Variants in AASS observed in about 807,000 individuals in gnomAD.
The protein encoded by AASS is alpha-aminoadipic semialdehyde synthase, mitochondrial.
Under a neutral mutation model 105.4 loss-of-function variants are expected in AASS, and 86 were observed. That is an observed-to-expected ratio of 0.82 (90% CI 0.69 to 0.98). AASS has a LOEUF of 0.98. AASS is among the 50% of genes least tolerant of loss of function. The probability of loss-of-function intolerance (pLI) is 0.00; values close to 1 mark genes in which losing one functional copy is unlikely to be tolerated. For synonymous variants in AASS, 381 were observed against 394.8 expected, an observed-to-expected ratio of 0.96 and a Z score of 0.41; for missense variants, 1,048 against 1,143.2, an observed-to-expected ratio of 0.92 and a Z score of 1.20.
At chr7:122,128,056 T>C (rs1795736659) in intron 3 of AASS, among the ~76,000 whole-genome samples, 1 of 152,210 alleles carries the variant, frequency 6.6e-6, no homozygotes, top group African/African-American at 2.4e-5. Context: ...GGCCAAAACC[T>C]GGAGTCATTC....
intron 3 of AASS, among the ~76,000 whole-genome samples, chr7:122,127,915 T>A (rs934378713): frequency 2.0e-5 from 3 of 152,130 alleles, no homozygotes; most frequent in Non-Finnish European, 2.9e-5. Flanking sequence ...CCCTCTTAGA[T>A]TATCCCTTTG....
chr7:122,094,407 A>G (rs1427827827), intron 15 of AASS, among the ~76,000 whole-genome samples: 2 of 151,872 alleles, frequency 1.3e-5, no homozygotes, highest in Non-Finnish European at 2.9e-5. Context: ...TTTATTGTTT[A>G]TTTTGTTTTT....
intron 1 of AASS, among the ~76,000 whole-genome samples, chr7:122,134,705 A>C (rs1321777523): frequency 6.6e-6 from 1 of 152,196 alleles, no homozygotes; most frequent in Admixed American, 6.5e-5. Flanking sequence ...ACCATTGTGG[A>C]AGACAATGTG....
chr7:122,098,597 C>A (rs1375362225), intron 14 of AASS, 21 bp from the exon 15 acceptor site: 2 of 1,604,122 alleles, frequency 1.2e-6, no homozygotes, highest in African/African-American at 2.7e-5. Flanking sequence ...AATTAAAAGT[C>A]ACATTTTTAG....
At chr7:122,125,860 A>G (rs1795635301) in intron 4 of AASS, among the ~76,000 whole-genome samples, 1 of 152,192 alleles carries the variant, frequency 6.6e-6, no homozygotes, top group South Asian at 2.1e-4. Context: ...TTTTTTACAT[A>G]AGGAATCTTC....
At position 122,093,077 on chromosome 7, in the gene AASS, G is replaced by A. The variant is rs1562913390; in HGVS notation, c.1737C>T (p.Ile579=). Residue 579 remains isoleucine, a synonymous_variant, in exon 16 of 24, where the codon ATC becomes ATT. Transcript: ENST00000417368. ...TTTCCAATTCTTTTAGTGCTGGTGT[G>A]ATGTAGCTTGCAGTGACCATGTTAA... ...NKVNMVTASY[I]TPALKELEKS... 6.2e-7 allele frequency: 1 copy of A among 1,613,994 alleles called. No homozygotes were observed. Among genetic ancestry groups the A allele is most frequent in the Non-Finnish European group, 8.5e-7 (1 of 1,179,880 alleles).
intron 19 of AASS, among the ~76,000 whole-genome samples, chr7:122,084,436 G>C (rs1793521765): frequency 6.6e-6 from 1 of 152,208 alleles, no homozygotes; most frequent in Non-Finnish European, 1.5e-5. Flanking sequence ...GCTCTCAAGA[G>C]TAAGAAATAT....
At position 122,091,698 on chromosome 7, in the gene AASS, C is replaced by T; in HGVS notation, c.2016+5G>A. 2 of 1,613,368 alleles carry T rather than the reference C, an allele frequency of 1.2e-6. No homozygotes were observed. Among genetic ancestry groups the T allele is most frequent in the East Asian group, 4.5e-5 (2 of 44,850 alleles). ...ATATCACTATGCTTGGATAAGATTC[C>T]TCACCTTTCCATCGAGCAGATAGGT... On this transcript the variant is annotated splice_donor_5th_base_variant and intron_variant, in intron 18 of 23. Coordinates refer to ENST00000417368, the MANE Select transcript of AASS (RefSeq NM_005763.4).
chr7:122,122,909 T>C (rs1301259045), intron 4 of AASS, among the ~76,000 whole-genome samples: 12 of 152,308 alleles, frequency 7.9e-5, no homozygotes, highest in Admixed American at 2.6e-4. Flanking sequence ...GTGTGCTAAT[T>C]GCATCTCTCT....
intron 11 of AASS, among the ~76,000 whole-genome samples, chr7:122,108,588 C>A (rs573877490): frequency 6.6e-6 from 1 of 151,948 alleles, no homozygotes; most frequent in Non-Finnish European, 1.5e-5. Flanking sequence ...ATTATTCCAA[C>A]AGAAACAGAA....
In AASS at chr7:122,073,798, G is replaced by A. The variant is rs1792877004; in HGVS notation, c.*2691C>T. Among the ~76,000 whole-genome samples the A allele has an allele frequency of 6.6e-6, 1 of 152,096 alleles. No individual in the cohort carries two copies. Among genetic ancestry groups the A allele is most frequent in the African/African-American group, 2.4e-5 (1 of 41,402 alleles). On this transcript the variant is annotated 3_prime_UTR_variant, in exon 24 of 24. Transcript: ENST00000417368. ...GCCTTCTCTCTATATATATTCGCCT[G>A]TTCTGGACATTTCATATAAATGAAA...
chr7:122,075,836 AG>A lies in AASS; in HGVS notation c.*652del, dbSNP rs1346747807. 1.3e-5 allele frequency: 2 copies of A among 152,212 alleles called. No individual in the cohort carries two copies. Among genetic ancestry groups the A allele is most frequent in the Non-Finnish European group, 2.9e-5 (2 of 68,032 alleles). The allele number at this position is 152,212 out of a possible 1,614,324, so 9.4% of individuals were successfully genotyped here. ...TAGCATTTTGGCAAAAACTTAACTT[AG>A]GTAATCTGAAGGTATCTAACTGTAT... On this transcript the variant is annotated 3_prime_UTR_variant, in exon 24 of 24. Transcript: ENST00000417368.
chr7:122,125,204 G>A (rs1189472923), intron 4 of AASS, among the ~76,000 whole-genome samples: 7 of 152,096 alleles, frequency 4.6e-5, no homozygotes, highest in Non-Finnish European at 1.5e-5. Flanking sequence ...ACAGGCATGA[G>A]CCACCATACC....
chr7:122,098,748 C>A lies in AASS; in HGVS notation c.1525G>T (p.Val509Leu). 6.2e-7 allele frequency: 1 copy of A among 1,607,608 alleles called. No homozygotes were observed. The highest frequency in any genetic ancestry group is 8.5e-7 in the Non-Finnish European group (1 of 1,176,370). ...TCAAAAATTAGGGCTTATTTACCTACTGTTATTTCTATATTGCCATCTCTT... is the reference window on the plus strand; with the variant it reads ...TCAAAAATTAGGGCTTATTTACCTAATGTTATTTCTATATTGCCATCTCTT... ...LSRDGNIEIT[V>L]GSDMKNQIEQ... Residue 509 changes from valine (V) to leucine (L), a missense_variant, in exon 14 of 24, where the codon GTA becomes TTA. By Grantham distance (32) the Val-to-Leu change is conservative. Transcript: ENST00000417368.
In AASS at chr7:122,076,404, A is replaced by T. The variant is rs912743940; in HGVS notation, c.*85T>A. The T allele has an allele frequency of 6.7e-6, 6 of 896,420 alleles. No individual in the cohort carries two copies. The highest frequency in any genetic ancestry group is 1.1e-5 in the Non-Finnish European group (6 of 528,348). The allele number at this position is 896,420 out of a possible 1,614,324, so 55.5% of individuals were successfully genotyped here. On this transcript the variant is annotated 3_prime_UTR_variant, in exon 24 of 24. Coordinates refer to ENST00000417368, the MANE Select transcript of AASS (RefSeq NM_005763.4). ...AAAACATATTATGCTTTATACTTTA[A>T]AACAGCACATTAGCAAACCCATTTA...
intron 2 of AASS, among the ~76,000 whole-genome samples, chr7:122,132,535 C>T (rs965304709): frequency 3.3e-5 from 5 of 152,168 alleles, no homozygotes; most frequent in African/African-American, 9.7e-5. Flanking sequence ...GTGATATAGA[C>T]TTTAACAATG....
intron 4 of AASS, among the ~76,000 whole-genome samples, chr7:122,122,367 G>A (rs1435737919): frequency 2.0e-5 from 3 of 152,116 alleles, no homozygotes; most frequent in South Asian, 2.1e-4. Context: ...GCTCTAATAC[G>A]TGTGTATTTG....
rs1792931219 is a variant in AASS, at chr7:122,074,908, G to A, written c.*1581C>T. ...AAGGTCTAACTCTGTCATCCAGGCT[G>A]GATTGCAGTGACCCAGTTATAGCTC... is the stretch of plus-strand genomic sequence containing the variant. On this transcript the variant is annotated 3_prime_UTR_variant, in exon 24 of 24. Coordinates refer to ENST00000417368, the MANE Select transcript of AASS (RefSeq NM_005763.4). Among the ~76,000 whole-genome samples, 1 of 151,824 alleles carries A rather than the reference G, an allele frequency of 6.6e-6. No individual in the cohort carries two copies. The highest frequency in any genetic ancestry group is 2.4e-5 in the African/African-American group (1 of 41,296).
At chr7:122,084,171 A>T (rs991923841) in intron 19 of AASS, among the ~76,000 whole-genome samples, 1 of 152,156 alleles carries the variant, frequency 6.6e-6, no homozygotes, top group Non-Finnish European at 1.5e-5. Context: ...AGCTGGGGAT[A>T]GTATGCATAA....
Sources: gnomAD v4.1 joint callset for allele counts (sites outside exome capture counted in the v4.1 genomes callset) on GRCh38, gnomAD v4.1.1 for gene constraint, MANE v1.5 for transcripts, NCBI Gene and HGNC (gene_info 2026-07-23, HGNC 2026-07-21) for gene names.